The following FRMD8 variants were observed in gnomAD, a reference collection of about 807,000 sequenced individuals.
FRMD8 encodes the protein FERM domain-containing protein 8.
Under a neutral mutation model 54.2 loss-of-function variants are expected in FRMD8, and 37 were observed. That is an observed-to-expected ratio of 0.68 (90% CI 0.53 to 0.90). The LOEUF is 0.90. Ranked by LOEUF, FRMD8 falls within the 40% of genes least tolerant of loss-of-function variation. The pLI, the probability that FRMD8 is intolerant of heterozygous loss-of-function variation, is 0.00. For missense variants in FRMD8, 585 were observed against 653.7 expected, an observed-to-expected ratio of 0.89 and a Z score of 1.15; for synonymous variants, 246 against 286.9, an observed-to-expected ratio of 0.86 and a Z score of 1.44.
chr11:65,376,801 C>A, the FRMD8 span: 1 of 1,614,234 alleles, frequency 6.2e-7, no homozygotes. Context: ...CCCATCCTCT[C>A]ACGCCACTTT....
chr11:65,393,801 C>T, intron 4 of FRMD8, 127 bp downstream of exon 4: 5 of 847,806 alleles, frequency 5.9e-6, no homozygotes, highest in Non-Finnish European at 9.3e-6. Flanking sequence ...GCATCTCCCC[C>T]AGGCTCCGTC....
Position 65,400,823 on chromosome 11 carries a change from G to A in FRMD8, c.1027G>A (p.Glu343Lys), listed in dbSNP as rs764735918. ...ILWLEFDGDS[E>K]GTPVNKLLKI... Reference sequence around the variant, plus strand: ...GTGGCTGGAGTTCGACGGGGACAGCGAGGGCACACCTGTCAACAAGCTCCT... The same window carrying A: ...GTGGCTGGAGTTCGACGGGGACAGCAAGGGCACACCTGTCAACAAGCTCCT... Residue 343 changes from glutamate to lysine, a missense_variant, in exon 9 of 11, where the codon GAG (glutamate) becomes AAG (lysine). Physicochemically the swap from Glu to Lys is moderately conservative, Grantham distance 56. Coordinates refer to ENST00000317568, the MANE Select transcript of FRMD8 (RefSeq NM_031904.5). This position sits in a 1 kb window ranked among gnomAD's most constrained non-coding sequence, Gnocchi z 4.3. 4 of 1,612,876 alleles carry A rather than the reference G, an allele frequency of 2.5e-6. No homozygotes were observed. Among genetic ancestry groups the A allele is most frequent in the South Asian group, 1.1e-5 (1 of 90,718 alleles).
At chr11:65,382,887 C>T (rs1200070640), upstream of FRMD8, 1 of 152,434 alleles carries the variant, frequency 6.6e-6, no homozygotes, top group East Asian at 1.9e-4. The surrounding 1 kb of genome is among the most constrained non-coding windows in gnomAD (Gnocchi z 4.4). Context: ...AGGTCTGCCC[C>T]GCCTCCCCAG....
chr11:65,389,575 C>T (rs1201144094), intron 3 of FRMD8, 47 bp downstream of exon 3: 1 of 1,524,364 alleles, frequency 6.6e-7, no homozygotes, highest in Admixed American at 2.0e-5. Context: ...TGGAAGGGCA[C>T]TGACCAGTAC....
intron 7 of FRMD8, among the ~76,000 whole-genome samples, chr11:65,397,882 T>C (rs1273952869): frequency 2.0e-5 from 3 of 149,488 alleles, no homozygotes; most frequent in Non-Finnish European, 3.0e-5. Flanking sequence ...TTTCTTTTTT[T>C]TTTTTTTTTT....
chr11:65,387,187 G>C (rs754207805), intron 2 of FRMD8, 66 bp downstream of exon 2: 5 of 1,254,224 alleles, frequency 4.0e-6, no homozygotes, highest in Admixed American at 3.4e-5. Context: ...AAGTAGCTCT[G>C]GCTTGTCTTC....
intron 10 of FRMD8, among the ~76,000 whole-genome samples, chr11:65,410,179 C>T (rs901020572): frequency 6.6e-6 from 1 of 152,148 alleles, no homozygotes; most frequent in East Asian, 1.9e-4. Flanking sequence ...GCCTGGCCAA[C>T]GTGGTGAAAC....
At chr11:65,393,548 G>A (rs1301297447) in intron 3 of FRMD8, 25 bp from the exon 4 acceptor site, 1 of 1,585,732 alleles carries the variant, frequency 6.3e-7, no homozygotes, top group African/African-American at 1.3e-5. Flanking sequence ...AGGCTGCATG[G>A]GCCACTCCCC....
chr11:65,399,659 G>T (rs1172946774), intron 7 of FRMD8, 77 bp from the exon 8 acceptor site: 1 of 1,558,890 alleles, frequency 6.4e-7, no homozygotes, highest in Non-Finnish European at 8.7e-7. Context: ...GTTCCTCAGA[G>T]CCCAGGTTGG....
At chr11:65,379,757 T>G in the FRMD8 span, 1 of 1,443,896 alleles carries the variant, frequency 6.9e-7, no homozygotes, top group Non-Finnish European at 9.6e-7. Flanking sequence ...GATCCCAGAC[T>G]TGGTCTTCTC....
chr11:65,394,396 G>GC lies in FRMD8; in HGVS notation c.555dup (p.Gly186ArgfsTer22). On this transcript the variant is annotated frameshift_variant, in exon 6 of 11. Coordinates refer to ENST00000317568, the MANE Select transcript of FRMD8 (RefSeq NM_031904.5). LOFTEE classifies it high-confidence loss of function. ...GCCGCGTGCAGCTTGGGCCCTACCA[G>GC]CCCGGCCGGCCGGCAGCCTGCGACC... is the stretch of plus-strand genomic sequence containing the variant. 3 of 1,569,824 alleles carry GC rather than the reference G, an allele frequency of 1.9e-6. No homozygotes were observed. Among genetic ancestry groups the GC allele is most frequent in the Non-Finnish European group, 1.7e-6 (2 of 1,159,780 alleles).
the FRMD8 span, chr11:65,379,925 G>T: frequency 6.2e-7 from 1 of 1,614,106 alleles, no homozygotes; most frequent in Non-Finnish European, 8.5e-7. Flanking sequence ...GGTGGTCTGG[G>T]TCTGCAGCCT....
At position 65,396,354 on chromosome 11, in the gene FRMD8, C is replaced by A. The variant is rs573169147; in HGVS notation, c.582-445C>A. Among the ~76,000 whole-genome samples the A allele has an allele frequency of 7.9e-4, 120 of 152,290 alleles. 1 individual carries two copies. The highest frequency in any genetic ancestry group is 2.8e-3 in the African/African-American group (116 of 41,566). On this transcript the variant is annotated intron_variant, in intron 6 of 10. Coordinates refer to ENST00000317568, the MANE Select transcript of FRMD8 (RefSeq NM_031904.5). The stretch of plus-strand genomic sequence containing the variant: ...CTGGAGCCGCAGGATGAGCCTTTGG[C>A]TTCAGACGGTGACCCCGGGTCAGAC...
intron 5 of FRMD8, 23 bp from the exon 6 acceptor site, chr11:65,394,236 G>C: frequency 6.3e-7 from 1 of 1,595,398 alleles, no homozygotes; most frequent in Non-Finnish European, 8.5e-7. Flanking sequence ...CTGAGCGGCT[G>C]TCCCTGCCAC....
intron 1 of FRMD8, 133 bp from the exon 2 acceptor site, chr11:65,386,904 C>T (rs1042206203): frequency 6.5e-6 from 5 of 768,858 alleles, no homozygotes; most frequent in Non-Finnish European, 1.1e-5. Flanking sequence ...GCACTCTTGG[C>T]CCCTCCAGGC....
chr11:65,399,946 C>T, intron 8 of FRMD8, 87 bp downstream of exon 8: 2 of 1,497,450 alleles, frequency 1.3e-6, no homozygotes, highest in Non-Finnish European at 1.8e-6. Flanking sequence ...CTGTGGGGGC[C>T]TGGGGGCAAG....
chr11:65,370,035 A>AT, the FRMD8 span, among the ~76,000 whole-genome samples: 1 of 151,174 alleles, frequency 6.6e-6, no homozygotes, highest in African/African-American at 2.4e-5. Context: ...CTGTCTCCAA[A>AT]AAAATAAATA....
intron 10 of FRMD8, among the ~76,000 whole-genome samples, chr11:65,407,512 A>C (rs1590661320): frequency 6.6e-6 from 1 of 151,958 alleles, no homozygotes; most frequent in Non-Finnish European, 1.5e-5. Context: ...TTGGACTACC[A>C]AAGTGCTGGG....
chr11:65,376,001 C>A, the FRMD8 span: 9 of 170,444 alleles, frequency 5.3e-5, no homozygotes, highest in South Asian at 9.4e-4. Flanking sequence ...GGTGGAAAGG[C>A]GGAGGTTGCA....
Sources: allele counts gnomAD v4.1 joint callset (sites outside exome capture counted in the v4.1 genomes callset), GRCh38; gene constraint gnomAD v4.1.1; non-coding constraint Gnocchi (gnomAD v3.1); transcripts MANE v1.5; gene names NCBI Gene and HGNC (gene_info 2026-07-23, HGNC 2026-07-21).